ZBTB45: variants seen among roughly 807,000 people sequenced by gnomAD.
The protein encoded by ZBTB45 is zinc finger and BTB domain containing 45.
Under a neutral mutation model 28.4 loss-of-function variants are expected in ZBTB45, and 22 were observed. That is an observed-to-expected ratio of 0.77 (90% CI 0.55 to 1.10). The LOEUF (loss-of-function observed/expected upper bound fraction) is 1.10. Ranked by LOEUF, ZBTB45 falls within the 50% of genes least tolerant of loss-of-function variation. The probability of loss-of-function intolerance (pLI) is 0.00; values close to 1 mark genes in which losing one functional copy is unlikely to be tolerated. For missense variants in ZBTB45, 656 were observed against 750.2 expected, an observed-to-expected ratio of 0.87 and a Z score of 1.47; for synonymous variants, 361 against 332.3, an observed-to-expected ratio of 1.09 and a Z score of -0.94.
rs1209977606 is a variant in ZBTB45 at position 58,518,731 on chromosome 19, T to C, written c.-1+1011A>G. On this transcript the variant is annotated intron_variant, in intron 1 of 2. Coordinates refer to ENST00000594051, the MANE Select transcript of ZBTB45 (RefSeq NM_001316979.2). ...CCCTTCTATCAAACAAGGGATGAGA[T>C]ACTCGGCTCATCCCGCACCCAGACT... Among the ~76,000 whole-genome samples, 5 of 152,172 alleles carry C rather than the reference T, an allele frequency of 3.3e-5. No homozygotes were observed. The East Asian group carries it at 9.7e-4, about 29-fold the overall frequency.
chr19:58,520,613 C>A (rs143928890), upstream of ZBTB45, among the ~76,000 whole-genome samples: 16 of 152,172 alleles, frequency 1.1e-4, no homozygotes, highest in Non-Finnish European at 1.8e-4. Flanking sequence ...TCATAAGGGT[C>A]CTTAAAGGCA....
intron 1 of ZBTB45, among the ~76,000 whole-genome samples, chr19:58,534,041 G>A (rs1211555116): frequency 2.6e-5 from 4 of 152,222 alleles, no homozygotes; most frequent in Non-Finnish European, 4.4e-5. Context: ...AAGTTAGGGC[G>A]TCAGCTACAA....
In ZBTB45 at chr19:58,514,065, G is replaced by C. The variant is rs770294566; in HGVS notation, c.1525C>G (p.Pro509Ala). ...AGGCCCCAGCGCCATCAGGGCGCAG[G>C]GTGCGCCGCCAGGTGGCGCTCCAGC... ...ALLERHLAAH[P>A]AP The change falls in exon 3 of 3, where the codon CCT (proline) becomes GCT (alanine). Residue 509 changes from proline to alanine, a missense_variant. By Grantham distance (27) the Pro-to-Ala change is conservative. This residue lies in a region of ZBTB45 where 103 missense variants were observed against 153.5 expected (regional missense o/e 0.67). Transcript: ENST00000594051. 1 of 1,492,684 alleles carries C rather than the reference G, an allele frequency of 6.7e-7. No homozygotes were observed. The highest frequency in any genetic ancestry group is 8.9e-7 in the Non-Finnish European group (1 of 1,126,808). 92.5% of individuals were successfully genotyped at this position (1,492,684 alleles called of 1,614,324 possible). A position where few individuals can be genotyped will look rare whatever the true frequency, so the allele number is the denominator to read the frequency against.
intron 1 of ZBTB45, among the ~76,000 whole-genome samples, chr19:58,536,323 G>A (rs868516720): frequency 1.7e-4 from 26 of 152,162 alleles, no homozygotes; most frequent in East Asian, 1.9e-4. Context: ...AAAATTAGCC[G>A]GGCATGGTGG....
At chr19:58,522,884 A>T (rs1026808766), upstream of ZBTB45, among the ~76,000 whole-genome samples, 1 of 152,126 alleles carries the variant, frequency 6.6e-6, no homozygotes, top group African/African-American at 2.4e-5. Flanking sequence ...GAGGGGGGGA[A>T]GCCATGTCCC....
chr19:58,531,774 A>G (rs2053636753), intron 1 of ZBTB45, among the ~76,000 whole-genome samples: 1 of 152,268 alleles, frequency 6.6e-6, no homozygotes, highest in South Asian at 2.1e-4. Flanking sequence ...GCATCAGCCG[A>G]TGACGGTCAC....
At chr19:58,521,389 GA>G (rs2053577914), upstream of ZBTB45, among the ~76,000 whole-genome samples, 1 of 96,188 alleles carries the variant, frequency 1.0e-5, no homozygotes. Context: ...AAAAAAGAAA[GA>G]AAGAAAAGAA....
At chr19:58,528,054 G>C (rs899441332) in intron 1 of ZBTB45, among the ~76,000 whole-genome samples, 31 of 152,270 alleles carry the variant, frequency 2.0e-4, no homozygotes, top group Middle Eastern at 3.4e-3. Flanking sequence ...AAAGCTTCGG[G>C]GGATAAATAA....
intron 1 of ZBTB45, among the ~76,000 whole-genome samples, chr19:58,524,882 CAA>C (rs148810862): frequency 3.6e-5 from 5 of 138,326 alleles, no homozygotes; most frequent in South Asian, 2.4e-4. Context: ...GACTCCGTCT[CAA>C]AAAAAAAAAA....
upstream of ZBTB45, among the ~76,000 whole-genome samples, chr19:58,521,891 A>G (rs1266080070): frequency 6.6e-6 from 1 of 152,168 alleles, no homozygotes; most frequent in African/African-American, 2.4e-5. Flanking sequence ...ACGCATGACT[A>G]GAACAAAGCC....
In ZBTB45 at chr19:58,516,946, CCAGCAG is replaced by C. The variant is rs1238977297; in HGVS notation, c.722_727del (p.Ala241_Ala242del). 6.2e-7 allele frequency: 1 copy of C among 1,613,162 alleles called. No individual in the cohort carries two copies. The highest frequency in any genetic ancestry group is 8.5e-7 in the Non-Finnish European group (1 of 1,180,028). ...GCTGTCAGCAGCAGCAGTGAGGAAGCCAGCAGCACAGTCTGGGAAGGAAGGAGGTGC... is the reference window on the plus strand; with the variant it reads ...GCTGTCAGCAGCAGCAGTGAGGAAGCCACAGTCTGGGAAGGAAGGAGGTGC... On this transcript the variant is annotated inframe_deletion, in exon 2 of 3. Coordinates refer to ENST00000594051, the MANE Select transcript of ZBTB45 (RefSeq NM_001316979.2). The surrounding 1 kb of genome is among the most constrained non-coding windows in gnomAD (Gnocchi z 6.2).
upstream of ZBTB45, among the ~76,000 whole-genome samples, chr19:58,524,612 A>G (rs552718361): frequency 5.9e-5 from 9 of 151,766 alleles, no homozygotes; most frequent in Admixed American, 1.3e-4. Context: ...GGCCGGGTGC[A>G]GTGGCTCACA....
Position 58,516,949 on chromosome 19 carries a change from G to A in ZBTB45, c.725C>T (p.Ala242Val). The A allele has an allele frequency of 1.9e-6, 3 of 1,613,334 alleles. No homozygotes were observed. The highest frequency in any genetic ancestry group is 2.5e-6 in the Non-Finnish European group (3 of 1,180,022). ...QAPPSFPDCAAGFLTAAADSA... is the reference protein window; with the variant it reads ...QAPPSFPDCAVGFLTAAADSA... ...GTCAGCAGCAGCAGTGAGGAAGCCA[G>A]CAGCACAGTCTGGGAAGGAAGGAGG... The change falls in exon 2 of 3, where the codon GCT becomes GTT. Residue 242 changes from alanine (A) to valine (V), a missense_variant. Ala to Val is a moderately conservative substitution (Grantham distance 64, BLOSUM62 0). Coordinates refer to ENST00000594051, the MANE Select transcript of ZBTB45 (RefSeq NM_001316979.2). This position sits in a 1 kb window ranked among gnomAD's most constrained non-coding sequence, Gnocchi z 6.2.
chr19:58,524,397 G>GTA (rs113559821), upstream of ZBTB45, among the ~76,000 whole-genome samples: 3 of 135,588 alleles, frequency 2.2e-5, no homozygotes, highest in Admixed American at 1.5e-4. Context: ...AAAAGAATGT[G>GTA]TATATATATG....
Position 58,517,689 on chromosome 19 carries a change from G to A in ZBTB45, c.1-16C>T, listed in dbSNP as rs760685252. The A allele has an allele frequency of 4.4e-6, 7 of 1,601,730 alleles. No individual in the cohort carries two copies. The South Asian group carries it at 4.4e-5, about 10-fold the overall frequency. On this transcript the variant is annotated splice_polypyrimidine_tract_variant and intron_variant, in intron 1 of 2. Coordinates refer to ENST00000594051, the MANE Select transcript of ZBTB45 (RefSeq NM_001316979.2). ...CAGCCGCCATCTGCACAGAACAAGA[G>A]GAGGGCAGGGAGAGGTCAACTGAGG... is the stretch of plus-strand genomic sequence containing the variant.
Position 58,513,765 on chromosome 19 carries a change from C to G in ZBTB45, c.*289G>C, listed in dbSNP as rs2053445537. On this transcript the variant is annotated 3_prime_UTR_variant, in exon 3 of 3. Coordinates refer to ENST00000594051, the MANE Select transcript of ZBTB45 (RefSeq NM_001316979.2). Reference sequence around the variant, plus strand: ...TGAGAACCGGAGTCAAATCTTGGGCCGGGTCCAAGCGCCTGAGCGCCCGGT... The same window carrying G: ...TGAGAACCGGAGTCAAATCTTGGGCGGGGTCCAAGCGCCTGAGCGCCCGGT... 2.9e-6 allele frequency: 1 copy of G among 349,656 alleles called. No homozygotes were observed. Among genetic ancestry groups the G allele is most frequent in the Non-Finnish European group, 5.1e-6 (1 of 195,922 alleles). 21.7% of individuals were successfully genotyped at this position (349,656 alleles called of 1,614,324 possible).
chr19:58,526,174 G>C (rs1348258207), intron 1 of ZBTB45, among the ~76,000 whole-genome samples: 1 of 152,154 alleles, frequency 6.6e-6, no homozygotes, highest in Non-Finnish European at 1.5e-5. Context: ...CCAAAGTGCT[G>C]GGGTTATAAG....
intron 1 of ZBTB45, among the ~76,000 whole-genome samples, chr19:58,524,882 C>CAA (rs148810862): frequency 7.2e-6 from 1 of 138,342 alleles, no homozygotes. Context: ...GACTCCGTCT[C>CAA]AAAAAAAAAA....
At chr19:58,522,765 A>C (rs1377857404), upstream of ZBTB45, among the ~76,000 whole-genome samples, 1 of 152,128 alleles carries the variant, frequency 6.6e-6, no homozygotes, top group Non-Finnish European at 1.5e-5. Context: ...GAAGAGCATA[A>C]GGGTAGGTGG....
Sources: allele counts gnomAD v4.1 joint callset (sites outside exome capture counted in the v4.1 genomes callset), GRCh38; gene constraint gnomAD v4.1.1; regional missense constraint gnomAD v4.1.1; non-coding constraint Gnocchi (gnomAD v3.1); transcripts MANE v1.5; gene names NCBI Gene and HGNC (gene_info 2026-07-23, HGNC 2026-07-21).